Variants in TESMIN observed in about 807,000 individuals in gnomAD.
The protein encoded by TESMIN is CXC domain containing 2.
TESMIN carries 34 observed loss-of-function variants against 47.4 expected under a neutral mutation model. The ratio of observed to expected loss-of-function variants is 0.72; its 90% CI spans 0.55 to 0.96. The LOEUF (loss-of-function observed/expected upper bound fraction) is 0.96. Ranked by LOEUF, TESMIN falls within the 40% of genes least tolerant of loss-of-function variation. TESMIN has a pLI of 0.00. For missense variants in TESMIN, 610 were observed against 637.2 expected (o/e 0.96, Z 0.46); for synonymous variants, 278 against 258.9 (o/e 1.07, Z -0.71).
chr11:68,744,728 C>G (rs936929024), intron 4 of TESMIN: 1 of 275,144 alleles, frequency 3.6e-6, no homozygotes, highest in Non-Finnish European at 6.7e-6. Context: ...TCTGAGTCAT[C>G]ACCTGTTAGG....
intron 8 of TESMIN, among the ~76,000 whole-genome samples, chr11:68,712,219 C>A (rs1348314135): frequency 6.6e-6 from 1 of 152,232 alleles, no homozygotes; most frequent in Non-Finnish European, 1.5e-5. Flanking sequence ...AGTTCCATGG[C>A]AGCCAGTGAA....
chr11:68,743,128 T>C (rs1246921893), intron 4 of TESMIN, among the ~76,000 whole-genome samples: 1 of 152,122 alleles, frequency 6.6e-6, no homozygotes, highest in Non-Finnish European at 1.5e-5. Context: ...TCCTCCGGCC[T>C]GGCCTCACAA....
At chr11:68,710,777 G>T (rs1946054153) in intron 9 of TESMIN, 97 bp downstream of exon 9, 6 of 1,219,908 alleles carry the variant, frequency 4.9e-6, no homozygotes, top group Non-Finnish European at 6.8e-6. Flanking sequence ...GCCCCTGCAG[G>T]CTCACACATT....
At chr11:68,734,306 T>C (rs1271840207) in intron 6 of TESMIN, among the ~76,000 whole-genome samples, 1 of 152,186 alleles carries the variant, frequency 6.6e-6, no homozygotes, top group African/African-American at 2.4e-5. Context: ...TTCAGGGGCA[T>C]TAGAGAAGAA....
At chr11:68,716,023 A>G (rs1488692338) in intron 6 of TESMIN, 84 bp from the exon 7 acceptor site, 5 of 900,692 alleles carry the variant, frequency 5.6e-6, no homozygotes, top group Non-Finnish European at 9.0e-6. Flanking sequence ...GTAAGGAAAG[A>G]GCGGGCAGTG....
At position 68,750,264 on chromosome 11, in the gene TESMIN, G is replaced by T. The variant is rs749996087; in HGVS notation, c.397C>A (p.Arg133Ser). ...HFLSSLLPAH[R>S]SPAVLPLGAW... ...CCCAGGGGCAACACCGCCGGGCTGCGGTGCGCGGGTAGCAGCGAGGACAGG... is the reference window on the plus strand; with the variant it reads ...CCCAGGGGCAACACCGCCGGGCTGCTGTGCGCGGGTAGCAGCGAGGACAGG... Residue 133 changes from arginine (R) to serine (S), a missense_variant, in exon 2 of 10, where the codon CGC becomes AGC. Physicochemically the swap from Arg to Ser is moderately radical, Grantham distance 110 (BLOSUM62 -1). Transcript: ENST00000255087. 33 of 1,544,836 alleles carry T rather than the reference G, an allele frequency of 2.1e-5. No individual in the cohort carries two copies. Among genetic ancestry groups the T allele is most frequent in the Non-Finnish European group, 2.8e-5 (32 of 1,154,990 alleles).
chr11:68,717,930 T>C (rs1326177446), intron 6 of TESMIN, among the ~76,000 whole-genome samples: 1 of 152,206 alleles, frequency 6.6e-6, no homozygotes, highest in Admixed American at 6.5e-5. Context: ...GCTTCTAGCA[T>C]TCTAGCAGGA....
At chr11:68,738,447 T>C (rs553571747) in intron 6 of TESMIN, 3 of 1,270,502 alleles carry the variant, frequency 2.4e-6, no homozygotes, top group Admixed American at 7.2e-5. Context: ...AACACCAACA[T>C]AGGACAGCGG....
chr11:68,705,224 C>T (rs1359812360), downstream of TESMIN, among the ~76,000 whole-genome samples: 2 of 152,236 alleles, frequency 1.3e-5, no homozygotes, highest in African/African-American at 4.8e-5. Context: ...GTCTTCTGCG[C>T]CCCCTCCTGC....
chr11:68,728,575 A>G (rs947308281), intron 6 of TESMIN, among the ~76,000 whole-genome samples: 1 of 152,254 alleles, frequency 6.6e-6, no homozygotes, highest in African/African-American at 2.4e-5. Flanking sequence ...ACAGGTTTTC[A>G]GTGTAGATGA....
At chr11:68,744,843 A>T (rs780885260) in intron 4 of TESMIN, 148 bp downstream of exon 4, 7 of 603,092 alleles carry the variant, frequency 1.2e-5, no homozygotes, top group Non-Finnish European at 1.9e-5. Context: ...ACATTTTTAT[A>T]TTCTTAGCTT....
At chr11:68,728,005 T>C (rs1946284946) in intron 6 of TESMIN, among the ~76,000 whole-genome samples, 1 of 152,204 alleles carries the variant, frequency 6.6e-6, no homozygotes, top group Non-Finnish European at 1.5e-5. Context: ...CTCCACCAAC[T>C]GGCGGTTCCC....
At chr11:68,709,764 C>T (rs926818343) in intron 9 of TESMIN, among the ~76,000 whole-genome samples, 9 of 152,008 alleles carry the variant, frequency 5.9e-5, no homozygotes, top group Non-Finnish European at 1.2e-4. Context: ...CTCCAATGTA[C>T]AGGCCCCCAC....
At chr11:68,750,140 T>TG in intron 2 of TESMIN, 50 bp downstream of exon 2, 1 of 1,372,350 alleles carries the variant, frequency 7.3e-7, no homozygotes, top group Middle Eastern at 1.9e-4. Context: ...TCAGATGGGT[T>TG]GGGGAAGGGA....
At chr11:68,745,272 T>A (rs1594303015) in intron 3 of TESMIN, among the ~76,000 whole-genome samples, 161 bp from the exon 4 acceptor site, 5 of 119,624 alleles carry the variant, frequency 4.2e-5, no homozygotes, top group East Asian at 2.4e-4. Flanking sequence ...TACTCTACAC[T>A]AACATGCTCT....
intron 5 of TESMIN, among the ~76,000 whole-genome samples, chr11:68,740,731 T>C (rs1370213752): frequency 6.6e-6 from 1 of 152,152 alleles, no homozygotes; most frequent in Admixed American, 6.5e-5. Context: ...AAATATCTAA[T>C]TCAATTTACA....
At chr11:68,705,629 T>C (rs548683282), downstream of TESMIN, among the ~76,000 whole-genome samples, 1 of 152,322 alleles carries the variant, frequency 6.6e-6, no homozygotes, top group Non-Finnish European at 1.5e-5. Flanking sequence ...AACAAGGTTT[T>C]TTTTTCTTTC....
intron 7 of TESMIN, among the ~76,000 whole-genome samples, chr11:68,714,452 C>T (rs538393613): frequency 6.6e-6 from 1 of 152,352 alleles, no homozygotes; most frequent in Admixed American, 6.5e-5. Context: ...TGTGACTCCT[C>T]CTCAGCGGTG....
At chr11:68,740,701 T>C (rs955614503) in intron 5 of TESMIN, among the ~76,000 whole-genome samples, 1 of 152,222 alleles carries the variant, frequency 6.6e-6, no homozygotes, top group South Asian at 2.1e-4. Flanking sequence ...ACTTGAGAAG[T>C]ATTTACTCAC....
Sources: gnomAD v4.1 joint callset for allele counts (sites outside exome capture counted in the v4.1 genomes callset) on GRCh38, gnomAD v4.1.1 for gene constraint, MANE v1.5 for transcripts, NCBI Gene and HGNC (gene_info 2026-07-23, HGNC 2026-07-21) for gene names.